RPF2: variants seen among roughly 807,000 people sequenced by gnomAD.
RPF2 encodes the protein brix domain containing 1.
RPF2 carries 21 observed loss-of-function variants against 38.9 expected under a neutral mutation model. That is an observed-to-expected ratio of 0.54 (90% CI 0.38 to 0.78). RPF2 has a LOEUF of 0.78. RPF2 is among the 30% of genes least tolerant of loss of function. The pLI, the probability that RPF2 is intolerant of heterozygous loss-of-function variation, is 0.00. For synonymous variants in RPF2, 121 were observed against 126.2 expected, an observed-to-expected ratio of 0.96 and a Z score of 0.28; for missense variants, 314 against 358.1, an observed-to-expected ratio of 0.88 and a Z score of 0.99.
intron 3 of RPF2, among the ~76,000 whole-genome samples, chr6:110,989,869 C>T (rs139094911): frequency 6.6e-6 from 1 of 151,946 alleles, no homozygotes; most frequent in African/African-American, 2.4e-5. Context: ...GTGATCTGCG[C>T]GCCTTGGCCT....
chr6:111,014,184 T>C (rs368039498), intron 7 of RPF2, among the ~76,000 whole-genome samples: 2 of 151,796 alleles, frequency 1.3e-5, no homozygotes, highest in South Asian at 4.2e-4. Flanking sequence ...TCGCCCAGGC[T>C]GGAGTACAGT....
chr6:111,013,961 AC>A (rs1159620801), intron 7 of RPF2, among the ~76,000 whole-genome samples: 2 of 152,032 alleles, frequency 1.3e-5, no homozygotes, highest in Non-Finnish European at 2.9e-5. Flanking sequence ...ACATAGTGAG[AC>A]CCCATCCGTA....
chr6:111,011,276 T>TTTTC (rs71553323), intron 7 of RPF2, among the ~76,000 whole-genome samples: 5,223 of 133,584 alleles, frequency 0.039, 160 homozygotes, highest in African/African-American at 0.078. Context: ...TCAAGGGTAT[T>TTTTC]TTTCTTTCTT....
At chr6:110,996,093 C>T (rs112743424) in intron 4 of RPF2, among the ~76,000 whole-genome samples, 3,749 of 151,170 alleles carry the variant, frequency 0.025, 135 homozygotes, top group African/African-American at 0.088. Context: ...GTTGGGATTA[C>T]AGACGTGAGC....
chr6:110,996,790 G>A lies in RPF2; in HGVS notation c.235-393G>A, dbSNP rs113291943. On this transcript the variant is annotated intron_variant, in intron 4 of 9. Transcript: ENST00000441448. ...CCACTGGAAGAAAAAAACTGTTAGA[G>A]TTTTTTGTTTCGTTTTGTTTTGTTT... is the stretch of plus-strand genomic sequence containing the variant. 1.9e-3 allele frequency among the ~76,000 whole-genome samples: 283 copies of A among 151,924 alleles called. 1 individual carries two copies. The highest frequency in any genetic ancestry group is 6.5e-3 in the African/African-American group (270 of 41,328).
At chr6:111,025,251 T>C in intron 9 of RPF2, 152 bp from the exon 10 acceptor site, 1 of 501,504 alleles carries the variant, frequency 2.0e-6, no homozygotes, top group Non-Finnish European at 3.5e-6. Flanking sequence ...CACACTTAAG[T>C]TTGAGAAGAA....
At chr6:111,010,869 A>C (rs1006887283) in intron 7 of RPF2, among the ~76,000 whole-genome samples, 7 of 152,122 alleles carry the variant, frequency 4.6e-5, no homozygotes, top group Non-Finnish European at 8.8e-5. Context: ...GGAAAAAAAA[A>C]CACGTCACCC....
intron 8 of RPF2, among the ~76,000 whole-genome samples, chr6:111,017,315 C>T (rs1247544070): frequency 6.6e-6 from 1 of 150,568 alleles, no homozygotes; most frequent in South Asian, 2.1e-4. Context: ...GAGGCGCCCC[C>T]ACCTCCCTCC....
At chr6:111,016,207 G>A (rs1415889092) in intron 8 of RPF2, among the ~76,000 whole-genome samples, 1 of 152,164 alleles carries the variant, frequency 6.6e-6, no homozygotes, top group Non-Finnish European at 1.5e-5. Flanking sequence ...CTTAACAATT[G>A]AGTCTAAAAG....
At chr6:110,987,906 C>T (rs1293871233) in intron 2 of RPF2, among the ~76,000 whole-genome samples, 1 of 152,024 alleles carries the variant, frequency 6.6e-6, no homozygotes, top group Non-Finnish European at 1.5e-5. Context: ...ACCTGTAATC[C>T]CAGCACTTTG....
chr6:110,984,849 C>CAAACA lies in RPF2; in HGVS notation c.24-154_24-153insCAAAA, dbSNP rs375385460. Among the ~76,000 whole-genome samples the CAAACA allele has an allele frequency of 3.1e-3, 455 of 146,986 alleles. 8 individuals are homozygous for CAAACA. The East Asian group carries it at 0.042, about 14-fold the overall frequency. ...AGTGAGACTCCATCTCAAAAACAAA[C>CAAACA]AAAAAAAAACAAACAAAAAAAAGAA... is the stretch of plus-strand genomic sequence containing the variant. On this transcript the variant is annotated intron_variant, in intron 1 of 9. Transcript: ENST00000441448.
intron 1 of RPF2, 90 bp downstream of exon 1, chr6:110,982,219 G>A: frequency 7.0e-7 from 1 of 1,437,790 alleles, no homozygotes; most frequent in Non-Finnish European, 9.8e-7. Context: ...CACTCTTCCT[G>A]GTTACCCCTC....
intron 4 of RPF2, among the ~76,000 whole-genome samples, chr6:110,996,566 T>TG (rs1384027515): frequency 2.0e-5 from 3 of 152,222 alleles, no homozygotes; most frequent in Non-Finnish European, 4.4e-5. Flanking sequence ...ATGAAACACT[T>TG]GGTGTGCTAT....
chr6:110,989,045 A>G lies in RPF2; in HGVS notation c.174A>G (p.Pro58=). The change falls in exon 3 of 10, where the codon CCA becomes CCG. Residue 58 remains proline, a synonymous_variant. Coordinates refer to ENST00000441448, the MANE Select transcript of RPF2 (RefSeq NM_032194.3). ...TTTTACAGTATGCACTGAAAAAACC[A>G]TACGGTGTACTATATAAAAAGTAAG... ...VLKDVYALKK[P]YGVLYKKKNI... 3 of 1,593,288 alleles carry G rather than the reference A, an allele frequency of 1.9e-6. No individual in the cohort carries two copies. The highest frequency in any genetic ancestry group is 1.7e-6 in the Non-Finnish European group (2 of 1,170,222).
At chr6:111,005,164 C>A (rs910601364) in intron 6 of RPF2, among the ~76,000 whole-genome samples, 1 of 152,090 alleles carries the variant, frequency 6.6e-6, no homozygotes, top group African/African-American at 2.4e-5. Flanking sequence ...TAAGTATAGA[C>A]CGTTAAGGTT....
chr6:111,001,240 AATAAGT>A (rs1459794988), intron 6 of RPF2, among the ~76,000 whole-genome samples: 3 of 152,242 alleles, frequency 2.0e-5, no homozygotes, highest in African/African-American at 7.2e-5. Context: ...TCACATGTAA[AATAAGT>A]ATAACAACAT....
intron 3 of RPF2, among the ~76,000 whole-genome samples, chr6:110,989,607 G>C (rs1344264304): frequency 6.7e-6 from 1 of 149,740 alleles, no homozygotes; most frequent in Non-Finnish European, 1.5e-5. Context: ...GTGCCACCAC[G>C]CCTGGCTAAT....
At chr6:111,014,301 T>A (rs1772069269) in intron 7 of RPF2, among the ~76,000 whole-genome samples, 1 of 151,888 alleles carries the variant, frequency 6.6e-6, no homozygotes, top group African/African-American at 2.4e-5. Flanking sequence ...CCTGGCTAAT[T>A]TTTTGTGGTT....
chr6:110,999,238 C>T (rs3851220), intron 5 of RPF2, among the ~76,000 whole-genome samples: 39,711 of 151,606 alleles, frequency 0.26, 6,028 homozygotes, highest in East Asian at 0.66. Context: ...TAGCATGGAT[C>T]CATTGGAATT....
Sources: gnomAD v4.1 joint callset for allele counts (sites outside exome capture counted in the v4.1 genomes callset) on GRCh38, gnomAD v4.1.1 for gene constraint, MANE v1.5 for transcripts, NCBI Gene and HGNC (gene_info 2026-07-23, HGNC 2026-07-21) for gene names.